The following SYT9 variants were observed in gnomAD, a reference collection of about 807,000 sequenced individuals.
SYT9 encodes the protein synaptotagmin 9.
In SYT9, 22 loss-of-function variants were observed where a neutral mutation model predicts 48.4. That is an observed-to-expected ratio of 0.45 (90% confidence interval 0.32 to 0.65). SYT9 has a LOEUF of 0.65. Ranked by LOEUF, SYT9 falls within the 30% of genes least tolerant of loss-of-function variation. The probability of loss-of-function intolerance (pLI) is 0.03; values close to 1 mark genes in which losing one functional copy is unlikely to be tolerated. For synonymous variants in SYT9, 265 were observed against 245.0 expected (o/e 1.08, Z -0.76); for missense variants, 577 against 622.0 (o/e 0.93, Z 0.77).
chr11:7,265,928 G>T (rs1405467239), intron 1 of SYT9, among the ~76,000 whole-genome samples: 1 of 152,038 alleles, frequency 6.6e-6, no homozygotes, highest in Non-Finnish European at 1.5e-5. Context: ...AGAATAACAT[G>T]GTTGCTTGAT....
intron 3 of SYT9, among the ~76,000 whole-genome samples, chr11:7,374,885 A>G (rs1290731208): frequency 6.6e-6 from 1 of 152,074 alleles, no homozygotes; most frequent in East Asian, 1.9e-4. Flanking sequence ...GTTCACTCTG[A>G]TGATAGTTTC....
At chr11:7,364,508 C>T (rs1488948455) in intron 3 of SYT9, among the ~76,000 whole-genome samples, 2 of 152,062 alleles carry the variant, frequency 1.3e-5, no homozygotes, top group African/African-American at 2.4e-5. Context: ...AATAACTTAC[C>T]CAAACTCATA....
chr11:7,374,092 C>A (rs990466153), intron 3 of SYT9, among the ~76,000 whole-genome samples: 2 of 151,992 alleles, frequency 1.3e-5, no homozygotes, highest in Admixed American at 6.6e-5. Context: ...CCCCAACAGG[C>A]CCTGGTGTGT....
At chr11:7,349,338 G>A (rs559606821) in intron 3 of SYT9, among the ~76,000 whole-genome samples, 221 of 150,914 alleles carry the variant, frequency 1.5e-3, no homozygotes, top group Admixed American at 2.2e-3. Flanking sequence ...TGGTTAAAAT[G>A]ATAAATTTTA....
chr11:7,397,439 C>A (rs1297854637), intron 3 of SYT9, among the ~76,000 whole-genome samples: 1 of 152,102 alleles, frequency 6.6e-6, no homozygotes, highest in Non-Finnish European at 1.5e-5. Flanking sequence ...TATTCTAAAT[C>A]TCATAATCCA....
intron 3 of SYT9, among the ~76,000 whole-genome samples, chr11:7,343,823 A>G (rs1410048770): frequency 2.0e-5 from 3 of 152,304 alleles, no homozygotes; most frequent in Non-Finnish European, 4.4e-5. Flanking sequence ...ACAGTTCCAC[A>G]TGGCTGGGGA....
At chr11:7,317,272 T>C (rs935888208) in intron 3 of SYT9, among the ~76,000 whole-genome samples, 10 of 152,230 alleles carry the variant, frequency 6.6e-5, no homozygotes, top group Admixed American at 6.5e-4. Flanking sequence ...AGAATGGAAA[T>C]GTTTACATAG....
At chr11:7,310,804 A>G (rs1440825390) in intron 2 of SYT9, among the ~76,000 whole-genome samples, 2 of 152,102 alleles carry the variant, frequency 1.3e-5, no homozygotes, top group Admixed American at 6.5e-5. Flanking sequence ...TTCCTGTGCA[A>G]TTGGGTTCTC....
Position 7,420,488 on chromosome 11 carries a change from T to C in SYT9, c.1338-18T>C, listed in dbSNP as rs768196997. The C allele has an allele frequency of 3.5e-5, 56 of 1,613,158 alleles. No individual in the cohort carries two copies. Among genetic ancestry groups the C allele is most frequent in the Non-Finnish European group, 4.6e-5 (54 of 1,179,502 alleles). ...TACCAAAATTTTAAGAAAAAACTAT[T>C]GTGGGCCATTTTCACAGTGTAGGTC... On this transcript the variant is annotated intron_variant, in intron 5 of 6. Transcript: ENST00000318881.
rs78094211 is a variant in SYT9 at position 7,307,657 on chromosome 11, T to A, written c.497+4267T>A. Among the ~76,000 whole-genome samples the A allele has an allele frequency of 1.5e-4, 23 of 152,322 alleles. No individual in the cohort carries two copies. The East Asian group carries it at 4.4e-3, about 29-fold the overall frequency. On this transcript the variant is annotated intron_variant, in intron 2 of 6. Coordinates refer to ENST00000318881, the MANE Select transcript of SYT9 (RefSeq NM_175733.4). The stretch of plus-strand genomic sequence containing the variant: ...ATACACACTGAAGTGCTCAATTTGT[T>A]CTTTAGAAGATTAATCTGGAAAGAA...
intron 1 of SYT9, among the ~76,000 whole-genome samples, chr11:7,275,493 A>G (rs998372600): frequency 2.0e-5 from 3 of 152,030 alleles, no homozygotes; most frequent in Admixed American, 1.3e-4. Flanking sequence ...ATTTTCTTTC[A>G]TGGGTTTCTT....
chr11:7,298,854 C>T lies in SYT9; in HGVS notation c.146-4185C>T, dbSNP rs148925030. 2.6e-4 allele frequency among the ~76,000 whole-genome samples: 39 copies of T among 152,206 alleles called. No homozygotes were observed. In the East Asian group the frequency reaches 5.8e-3, roughly 23 times the overall value. On this transcript the variant is annotated intron_variant, in intron 1 of 6. Transcript: ENST00000318881. ...AGGCGTGATTACAGGGCATCTATGC[C>T]ACATCTTCCCTGGGAAGAATACACT...
chr11:7,305,537 A>G (rs527394059), intron 2 of SYT9, among the ~76,000 whole-genome samples: 1 of 152,358 alleles, frequency 6.6e-6, no homozygotes, highest in East Asian at 1.9e-4. Flanking sequence ...AACAAAAAGG[A>G]AAAAGAGAAT....
chr11:7,343,058 G>A (rs1250965441), intron 3 of SYT9, among the ~76,000 whole-genome samples: 2 of 152,184 alleles, frequency 1.3e-5, no homozygotes, highest in Non-Finnish European at 1.5e-5. Context: ...CATGGTAGGG[G>A]TACACTGGAC....
chr11:7,309,702 T>A (rs981898230), intron 2 of SYT9, among the ~76,000 whole-genome samples: 1 of 152,120 alleles, frequency 6.6e-6, no homozygotes, highest in Non-Finnish European at 1.5e-5. Context: ...ATATTGATTT[T>A]CCATTTCCTC....
chr11:7,345,175 G>A (rs781220087), intron 3 of SYT9, among the ~76,000 whole-genome samples: 2 of 152,072 alleles, frequency 1.3e-5, no homozygotes, highest in Non-Finnish European at 2.9e-5. Context: ...ACTCTACCCT[G>A]CAAATTCTAG....
At chr11:7,389,337 G>C (rs17289808) in intron 3 of SYT9, among the ~76,000 whole-genome samples, 10,459 of 152,138 alleles carry the variant, frequency 0.069, 465 homozygotes, top group Middle Eastern at 0.17. Flanking sequence ...TGCCCACCTT[G>C]TGTGACCTTC....
intron 3 of SYT9, among the ~76,000 whole-genome samples, chr11:7,414,750 C>T (rs1159248224): frequency 6.6e-6 from 1 of 152,134 alleles, no homozygotes; most frequent in Non-Finnish European, 1.5e-5. Flanking sequence ...GCCTCATTCT[C>T]CTGTGGAAGC....
upstream of SYT9, among the ~76,000 whole-genome samples, chr11:7,247,619 GTATA>G (rs1847810054): frequency 1.4e-5 from 2 of 142,764 alleles, no homozygotes. Context: ...ATATATACGT[GTATA>G]TATACGTGTA....
Sources: allele counts gnomAD v4.1 joint callset (sites outside exome capture counted in the v4.1 genomes callset), GRCh38; gene constraint gnomAD v4.1.1; transcripts MANE v1.5; gene names NCBI Gene and HGNC (gene_info 2026-07-23, HGNC 2026-07-21).